The following PARD3B variants were observed in gnomAD, a reference collection of about 807,000 sequenced individuals.
PARD3B encodes par-3 family cell polarity regulator beta.
Under a neutral mutation model 130.2 loss-of-function variants are expected in PARD3B, and 103 were observed. The observed-to-expected ratio is 0.79, with a 90% CI of 0.67 to 0.93. PARD3B has a LOEUF of 0.93. Among genes scored for constraint, PARD3B ranks in the 40% least tolerant of loss-of-function variants. The pLI is 0.00. For synonymous variants in PARD3B, 583 were observed against 553.2 expected, an observed-to-expected ratio of 1.05 and a Z score of -0.76; for missense variants, 1,609 against 1,499.2, an observed-to-expected ratio of 1.07 and a Z score of -1.21.
intron 2 of PARD3B, among the ~76,000 whole-genome samples, chr2:204,945,068 G>GA (rs1689206921): frequency 6.6e-6 from 1 of 152,214 alleles, no homozygotes; most frequent in South Asian, 2.1e-4. Flanking sequence ...GTTTACATCA[G>GA]AAAAAGATTT....
At chr2:204,634,084 T>C (rs1489661773) in intron 1 of PARD3B, among the ~76,000 whole-genome samples, 2 of 152,170 alleles carry the variant, frequency 1.3e-5, no homozygotes, top group African/African-American at 4.8e-5. Flanking sequence ...ATTCATTCTT[T>C]CTAACTATTT....
intron 21 of PARD3B, among the ~76,000 whole-genome samples, chr2:205,524,482 A>T (rs1318982625): frequency 6.6e-6 from 1 of 152,194 alleles, no homozygotes; most frequent in Non-Finnish European, 1.5e-5. Flanking sequence ...GCTTTTGCTG[A>T]AATCACTGGA....
intron 22 of PARD3B, among the ~76,000 whole-genome samples, chr2:205,611,164 C>A (rs1261020085): frequency 6.6e-6 from 1 of 152,136 alleles, no homozygotes; most frequent in Non-Finnish European, 1.5e-5. Context: ...ATTTTCTTTG[C>A]AATTGAGGGT....
At chr2:204,672,110 C>A (rs1223700421) in intron 1 of PARD3B, among the ~76,000 whole-genome samples, 1 of 152,152 alleles carries the variant, frequency 6.6e-6, no homozygotes, top group East Asian at 1.9e-4. Context: ...AATGATACAT[C>A]ATTGTAGGCA....
At chr2:205,438,159 G>A (rs1159071458) in intron 19 of PARD3B, among the ~76,000 whole-genome samples, 1 of 152,140 alleles carries the variant, frequency 6.6e-6, no homozygotes, top group Non-Finnish European at 1.5e-5. Context: ...CACTGGTGCA[G>A]AGTATCAAAG....
intron 18 of PARD3B, among the ~76,000 whole-genome samples, chr2:205,332,335 T>A (rs1374858575): frequency 6.6e-6 from 1 of 152,084 alleles, no homozygotes; most frequent in Non-Finnish European, 1.5e-5. Context: ...GAAATGGACT[T>A]GAAGTTTAAG....
chr2:204,875,952 T>G (rs953105020), intron 2 of PARD3B, among the ~76,000 whole-genome samples: 2 of 152,180 alleles, frequency 1.3e-5, no homozygotes, highest in African/African-American at 2.4e-5. Flanking sequence ...CGTCAAAGCC[T>G]CTTTGCAGGG....
At chr2:205,520,153 T>TTTTG (rs897701024) in intron 21 of PARD3B, among the ~76,000 whole-genome samples, 14 of 152,256 alleles carry the variant, frequency 9.2e-5, no homozygotes, top group African/African-American at 2.9e-4. Context: ...GCCAAGGGTC[T>TTTTG]TTTGTTTGTT....
chr2:205,314,406 T>G (rs1460028494), intron 18 of PARD3B, among the ~76,000 whole-genome samples: 1 of 152,204 alleles, frequency 6.6e-6, no homozygotes, highest in African/African-American at 2.4e-5. Flanking sequence ...CAACCACGCT[T>G]CAGTGTATAC....
At chr2:204,871,792 G>A (rs1037921076) in intron 2 of PARD3B, among the ~76,000 whole-genome samples, 2 of 152,066 alleles carry the variant, frequency 1.3e-5, no homozygotes, top group African/African-American at 4.8e-5. Context: ...GGAGCTAGAT[G>A]GAGCTATGAG....
At chr2:205,531,298 C>CAG in intron 21 of PARD3B, among the ~76,000 whole-genome samples, 1 of 152,138 alleles carries the variant, frequency 6.6e-6, no homozygotes, top group Non-Finnish European at 1.5e-5. Context: ...AAAAGCCACC[C>CAG]AGAGAGAGAA....
intron 18 of PARD3B, among the ~76,000 whole-genome samples, chr2:205,391,663 C>T (rs906535995): frequency 2.0e-5 from 3 of 152,284 alleles, no homozygotes; most frequent in Admixed American, 6.5e-5. Flanking sequence ...AAGTTCACTG[C>T]GCTCCTGAAG....
intron 21 of PARD3B, among the ~76,000 whole-genome samples, chr2:205,546,362 A>G (rs1224031534): frequency 6.6e-6 from 1 of 152,180 alleles, no homozygotes; most frequent in Non-Finnish European, 1.5e-5. Flanking sequence ...TTATGGCTTA[A>G]GTCAAGATTG....
At chr2:204,933,552 T>TAGAAATATG (rs1688183882) in intron 2 of PARD3B, among the ~76,000 whole-genome samples, 1 of 152,224 alleles carries the variant, frequency 6.6e-6, no homozygotes, top group Admixed American at 6.5e-5. Context: ...ATTCTTTATT[T>TAGAAATATG]AGAAATATGT....
chr2:204,952,372 T>C (rs1689854121), intron 2 of PARD3B, among the ~76,000 whole-genome samples: 1 of 152,182 alleles, frequency 6.6e-6, no homozygotes, highest in Admixed American at 6.5e-5. Context: ...ATCAAAGTAG[T>C]AAATTAAATG....
At chr2:204,667,752 G>C (rs768052997) in intron 1 of PARD3B, among the ~76,000 whole-genome samples, 2 of 152,290 alleles carry the variant, frequency 1.3e-5, no homozygotes, top group South Asian at 4.1e-4. Flanking sequence ...AGAAAAGGCA[G>C]CGCTTTCATA....
At chr2:204,622,755 T>G (rs2034350504) in intron 1 of PARD3B, among the ~76,000 whole-genome samples, 1 of 152,138 alleles carries the variant, frequency 6.6e-6, no homozygotes, top group African/African-American at 2.4e-5. Flanking sequence ...ATTCAGATCT[T>G]CCAACTCTTT....
At chr2:204,945,362 G>T (rs1055142730) in intron 2 of PARD3B, among the ~76,000 whole-genome samples, 1 of 152,204 alleles carries the variant, frequency 6.6e-6, no homozygotes, top group Non-Finnish European at 1.5e-5. Context: ...GTATAAGTCA[G>T]ATCCTTGCTG....
Position 205,592,702 on chromosome 2 carries a change from A to T in PARD3B, c.3261-22754A>T, listed in dbSNP as rs1053555730. On this transcript the variant is annotated intron_variant, in intron 22 of 22. Coordinates refer to ENST00000406610, the MANE Select transcript of PARD3B (RefSeq NM_001302769.2). The surrounding 1 kb of genome is among the most constrained non-coding windows in gnomAD (Gnocchi z 4.5). ...AATCATAACGTATATTTCTGAGATGATTACTCAGTTAGCTCATAGGAGGGG... is the reference window on the plus strand; with the variant it reads ...AATCATAACGTATATTTCTGAGATGTTTACTCAGTTAGCTCATAGGAGGGG... Among the ~76,000 whole-genome samples the T allele has an allele frequency of 2.0e-5, 3 of 152,234 alleles. No individual in the cohort carries two copies. Among genetic ancestry groups the T allele is most frequent in the African/African-American group, 7.2e-5 (3 of 41,460 alleles).
Sources: allele counts gnomAD v4.1 joint callset (sites outside exome capture counted in the v4.1 genomes callset), GRCh38; gene constraint gnomAD v4.1.1; non-coding constraint Gnocchi (gnomAD v3.1); transcripts MANE v1.5; gene names NCBI Gene and HGNC (gene_info 2026-07-23, HGNC 2026-07-21).